Variants in EPHB1 observed in about 807,000 individuals in gnomAD.
The protein encoded by EPHB1 is EPH receptor B1, also known as ephrin type-B receptor 1.
A neutral mutation model predicts 94.4 loss-of-function variants in EPHB1; 30 were observed. That is an observed-to-expected ratio of 0.32 (90% CI 0.24 to 0.43). The LOEUF is 0.43. Ranked by LOEUF, EPHB1 falls within the 20% of genes least tolerant of loss-of-function variation. The pLI, the probability that EPHB1 is intolerant of heterozygous loss-of-function variation, is 1.00. For missense variants in EPHB1, 1,055 were observed against 1,308.3 expected (o/e 0.81, Z 2.99); for synonymous variants, 522 against 489.1 (o/e 1.07, Z -0.89).
chr3:134,923,376 C>T (rs1026623865), intron 1 of EPHB1, among the ~76,000 whole-genome samples: 1 of 152,132 alleles, frequency 6.6e-6, no homozygotes, highest in Non-Finnish European at 1.5e-5. Context: ...GGCTCCTGTC[C>T]ACACAGGCAC....
intron 1 of EPHB1, among the ~76,000 whole-genome samples, chr3:134,838,095 C>G (rs2036709318): frequency 1.3e-5 from 2 of 152,132 alleles, no homozygotes; most frequent in South Asian, 4.1e-4. Context: ...TGGGCCATGC[C>G]CAAGCCCCCA....
intron 12 of EPHB1, among the ~76,000 whole-genome samples, chr3:135,218,256 CA>C (rs1476670609): frequency 6.6e-6 from 1 of 152,138 alleles, no homozygotes; most frequent in Non-Finnish European, 1.5e-5. Context: ...TAAAATAATT[CA>C]AATGCCACTC....
At position 135,201,638 on chromosome 3, in the gene EPHB1, C is replaced by T. The variant is rs1230585312; in HGVS notation, c.2295C>T (p.Leu765=). 2.5e-6 allele frequency: 4 copies of T among 1,613,900 alleles called. No homozygotes were observed. Among genetic ancestry groups the T allele is most frequent in the Non-Finnish European group, 3.4e-6 (4 of 1,180,002 alleles). The part of the protein sequence containing the change: ...NLVCKVSDFG[L]SRYLQDDTSD... ...TGTGCAAGGTGTCCGACTTTGGCCT[C>T]TCCCGCTACCTCCAGGATGACACCT... Residue 765 remains leucine (L), a synonymous_variant, in exon 12 of 16, where the codon CTC becomes CTT. Coordinates refer to ENST00000398015, the MANE Select transcript of EPHB1 (RefSeq NM_004441.5).
At chr3:134,798,092 C>T (rs1387875572) in intron 1 of EPHB1, among the ~76,000 whole-genome samples, 1 of 152,208 alleles carries the variant, frequency 6.6e-6, no homozygotes, top group Non-Finnish European at 1.5e-5. Context: ...CCCTCCCAAA[C>T]TCGGCTGTGG....
chr3:135,253,373 T>C (rs1428803539), intron 15 of EPHB1, among the ~76,000 whole-genome samples: 28 of 148,678 alleles, frequency 1.9e-4, no homozygotes, highest in Middle Eastern at 7.0e-3. Flanking sequence ...TTAATCCATC[T>C]TGAATTAATT....
chr3:134,996,692 G>A (rs964904404), intron 3 of EPHB1, among the ~76,000 whole-genome samples: 1 of 151,894 alleles, frequency 6.6e-6, no homozygotes, highest in African/African-American at 2.4e-5. Context: ...TTGATTATTT[G>A]TTAGTCTGAT....
Position 134,847,126 on chromosome 3 carries a change from G to A in EPHB1, c.58+51437G>A, listed in dbSNP as rs372507702. ...CAGAACGTGGCCTTCCCTGTGGAAGGCTCCAGGATACCCGGAGGTGACTCA... is the reference window on the plus strand; with the variant it reads ...CAGAACGTGGCCTTCCCTGTGGAAGACTCCAGGATACCCGGAGGTGACTCA... On this transcript the variant is annotated intron_variant, in intron 1 of 15. Transcript: ENST00000398015. Among the ~76,000 whole-genome samples, 109 of 152,072 alleles carry A rather than the reference G, an allele frequency of 7.2e-4. 1 individual carries two copies. In the South Asian group the frequency reaches 0.016, roughly 22 times the overall value.
chr3:135,229,794 A>G (rs1222009542), intron 12 of EPHB1, among the ~76,000 whole-genome samples: 2 of 152,184 alleles, frequency 1.3e-5, no homozygotes, highest in Non-Finnish European at 2.9e-5. Flanking sequence ...TGCCAGCTGT[A>G]TTGCCTGCCG....
At position 134,964,578 on chromosome 3, in the gene EPHB1, CTGT is replaced by C. The variant is rs1559774532; in HGVS notation, c.805+12528_805+12530del. Among the ~76,000 whole-genome samples, 4 of 152,276 alleles carry C rather than the reference CTGT, an allele frequency of 2.6e-5. 1 individual carries two copies. Among genetic ancestry groups the C allele is most frequent in the African/African-American group, 9.6e-5 (4 of 41,566 alleles). ...AATCATGAACTTGGCAAAAATGTGC[CTGT>C]TCTGGGAATTAGGCGATTTCAGGGC... On this transcript the variant is annotated intron_variant, in intron 3 of 15. Transcript: ENST00000398015.
Position 135,137,077 on chromosome 3 carries a change from A to G in EPHB1, c.1297+4028A>G, listed in dbSNP as rs1940646190. On this transcript the variant is annotated intron_variant, in intron 5 of 15. Transcript: ENST00000398015. Reference sequence around the variant, plus strand: ...TCTCTCTTCTGTCAAATAGACTCGGAGTGTCAAAGTTGGAAAAGAAGACCT... The same window carrying G: ...TCTCTCTTCTGTCAAATAGACTCGGGGTGTCAAAGTTGGAAAAGAAGACCT... Among the ~76,000 whole-genome samples the G allele has an allele frequency of 4.6e-5, 7 of 152,182 alleles. No individual in the cohort carries two copies. The South Asian group carries it at 1.5e-3, about 32-fold the overall frequency.
intron 9 of EPHB1, among the ~76,000 whole-genome samples, chr3:135,178,758 C>T (rs1576448960): frequency 6.6e-6 from 1 of 152,110 alleles, no homozygotes. Context: ...AGTCACTGCA[C>T]CTGGAGCAGT....
At chr3:134,923,070 G>T (rs1362968443) in intron 1 of EPHB1, among the ~76,000 whole-genome samples, 1 of 152,126 alleles carries the variant, frequency 6.6e-6, no homozygotes, top group Non-Finnish European at 1.5e-5. Flanking sequence ...GATGGGGGGA[G>T]GGAGGGAGAG....
rs778892265 is a variant in EPHB1, at chr3:135,259,240, A to C, written c.*120A>C. 6 of 742,810 alleles carry C rather than the reference A, an allele frequency of 8.1e-6. No homozygotes were observed. Among genetic ancestry groups the C allele is most frequent in the South Asian group, 2.0e-5 (1 of 51,238 alleles). The allele number at this position is 742,810 out of a possible 1,614,324, so 46.0% of individuals were successfully genotyped here. A position where few individuals can be genotyped will look rare whatever the true frequency, so the allele number is the denominator to read the frequency against. ...CTTCTCAGCTGAGGAATGCATTTCC[A>C]TCAGTGAAGAATCAACCGGACCTGT... On this transcript the variant is annotated 3_prime_UTR_variant, in exon 16 of 16. Coordinates refer to ENST00000398015, the MANE Select transcript of EPHB1 (RefSeq NM_004441.5).
intron 9 of EPHB1, among the ~76,000 whole-genome samples, chr3:135,174,475 A>G (rs1346645601): frequency 6.6e-6 from 1 of 152,224 alleles, no homozygotes; most frequent in Non-Finnish European, 1.5e-5. Flanking sequence ...TGGCACCCAT[A>G]GCCTCTGCCT....
Position 135,132,940 on chromosome 3 carries a change from G to T in EPHB1, c.1188G>T (p.Leu396=), listed in dbSNP as rs1259630833. 6.2e-7 allele frequency: 1 copy of T among 1,614,036 alleles called. No homozygotes were observed. The highest frequency in any genetic ancestry group is 1.7e-5 in the Admixed American group (1 of 60,030). The change falls in exon 5 of 16, where the codon CTG becomes CTT. Residue 396 remains leucine (L), a synonymous_variant. Coordinates refer to ENST00000398015, the MANE Select transcript of EPHB1 (RefSeq NM_004441.5). Reference sequence around the variant, plus strand: ...AGTGCCGCGTCTCCATCAGCAGCCTGTGGGCCCACACCCCCTACACCTTTG... The same window carrying T: ...AGTGCCGCGTCTCCATCAGCAGCCTTTGGGCCCACACCCCCTACACCTTTG... The part of the protein sequence containing the change: ...LTECRVSISS[L]WAHTPYTFDI...
intron 5 of EPHB1, among the ~76,000 whole-genome samples, chr3:135,141,332 T>C (rs1434008585): frequency 6.6e-6 from 1 of 152,100 alleles, no homozygotes; most frequent in African/African-American, 2.4e-5. Context: ...TTCTTGGATG[T>C]GCATTTGTTG....
At chr3:135,167,809 A>G (rs1472717857) in intron 9 of EPHB1, among the ~76,000 whole-genome samples, 2 of 152,208 alleles carry the variant, frequency 1.3e-5, no homozygotes, top group Non-Finnish European at 2.9e-5. Context: ...ACTGTGTGCT[A>G]TGCTCTGTCA....
chr3:135,048,564 C>T (rs534115478), intron 3 of EPHB1, among the ~76,000 whole-genome samples: 27 of 152,246 alleles, frequency 1.8e-4, no homozygotes, highest in Admixed American at 3.9e-4. Flanking sequence ...GTCATTGCAT[C>T]CTTCCAAAAA....
chr3:134,797,481 C>T (rs1305179882), intron 1 of EPHB1, among the ~76,000 whole-genome samples: 13 of 152,206 alleles, frequency 8.5e-5, no homozygotes, highest in Non-Finnish European at 1.5e-5. Context: ...TCTTTGCGCC[C>T]CCAGAGGTTC....
Sources: allele counts gnomAD v4.1 joint callset (sites outside exome capture counted in the v4.1 genomes callset), GRCh38; gene constraint gnomAD v4.1.1; transcripts MANE v1.5; gene names NCBI Gene and HGNC (gene_info 2026-07-23, HGNC 2026-07-21).